TFDP2: variants seen among roughly 807,000 people sequenced by gnomAD.
TFDP2 encodes the protein transcription factor Dp-2 (E2F dimerization partner 2).
TFDP2 carries 17 observed loss-of-function variants against 59.3 expected under a neutral mutation model. The ratio of observed to expected loss-of-function variants is 0.29; its 90% CI spans 0.20 to 0.43. The LOEUF (loss-of-function observed/expected upper bound fraction) is 0.43. TFDP2 is among the 20% of genes least tolerant of loss of function. The probability of loss-of-function intolerance (pLI) is 1.00; values close to 1 mark genes in which losing one functional copy is unlikely to be tolerated. For missense variants in TFDP2, 391 were observed against 528.8 expected (o/e 0.74, Z 2.56); for synonymous variants, 180 against 194.7 (o/e 0.92, Z 0.63).
At chr3:141,958,648 T>C (rs1936988219) in intron 11 of TFDP2, among the ~76,000 whole-genome samples, 1 of 152,158 alleles carries the variant, frequency 6.6e-6, no homozygotes. Flanking sequence ...ACTGTGACCC[T>C]TCAGAGTCTA....
At chr3:142,054,138 C>G (rs1164040492) in intron 3 of TFDP2, 1 of 152,174 alleles carries the variant, frequency 6.6e-6, no homozygotes, top group East Asian at 1.9e-4. Context: ...AATTCCACTT[C>G]TAGGTATTTA....
At chr3:142,040,430 T>A (rs892094056) in intron 3 of TFDP2, among the ~76,000 whole-genome samples, 4 of 124,544 alleles carry the variant, frequency 3.2e-5, no homozygotes, top group Non-Finnish European at 3.7e-5. Flanking sequence ...TCTCTACAAA[T>A]TTTTTTTTTT....
At chr3:142,104,783 G>A (rs552900578) in intron 1 of TFDP2, among the ~76,000 whole-genome samples, 5 of 151,940 alleles carry the variant, frequency 3.3e-5, no homozygotes, top group South Asian at 2.1e-4. Flanking sequence ...ATTTAAATAC[G>A]TAAAAGAACA....
chr3:142,048,677 C>T (rs942916280), intron 3 of TFDP2, among the ~76,000 whole-genome samples: 1 of 152,102 alleles, frequency 6.6e-6, no homozygotes, highest in Admixed American at 6.5e-5. Flanking sequence ...GCAACCCTCC[C>T]ACCTCAGCCT....
At chr3:142,027,067 T>C in intron 3 of TFDP2, among the ~76,000 whole-genome samples, 1 of 65,434 alleles carries the variant, frequency 1.5e-5, no homozygotes, top group Non-Finnish European at 2.8e-5. Context: ...TGTCTAGTGA[T>C]AAACTTTTGC....
chr3:141,968,538 AAC>A (rs1217002324), intron 9 of TFDP2, among the ~76,000 whole-genome samples: 6 of 110,270 alleles, frequency 5.4e-5, no homozygotes, highest in African/African-American at 2.5e-4. Flanking sequence ...AGATATATAT[AAC>A]ATATATATAT....
In TFDP2 at chr3:142,022,954, T is replaced by C. The variant is rs565114401; in HGVS notation, c.83-17410A>G. Among the ~76,000 whole-genome samples, 9 of 151,572 alleles carry C rather than the reference T, an allele frequency of 5.9e-5. No homozygotes were observed. The South Asian group carries it at 1.5e-3, about 25-fold the overall frequency. On this transcript the variant is annotated intron_variant, in intron 3 of 12. Coordinates refer to ENST00000489671, the MANE Select transcript of TFDP2 (RefSeq NM_001178139.2). Reference sequence around the variant, plus strand: ...GGCCAACGTGGTGAAACCCCATCTCTAGTAAAAATACAAAAATTAGCCGGG... The same window carrying C: ...GGCCAACGTGGTGAAACCCCATCTCCAGTAAAAATACAAAAATTAGCCGGG...
intron 3 of TFDP2, among the ~76,000 whole-genome samples, chr3:142,070,188 T>C (rs1359148479): frequency 6.6e-6 from 1 of 152,238 alleles, no homozygotes; most frequent in African/African-American, 2.4e-5. Flanking sequence ...ATTATAGGCG[T>C]GAGCCACCGC....
intron 3 of TFDP2, among the ~76,000 whole-genome samples, chr3:142,051,924 G>A (rs949494068): frequency 1.3e-5 from 2 of 151,906 alleles, no homozygotes; most frequent in Non-Finnish European, 2.9e-5. Context: ...CCAAGAGTTC[G>A]AGACCAGCCT....
At chr3:141,954,379 G>A (rs888988468) in intron 11 of TFDP2, among the ~76,000 whole-genome samples, 12 of 152,116 alleles carry the variant, frequency 7.9e-5, no homozygotes, top group East Asian at 1.9e-4. Context: ...GGTGGCTCAT[G>A]CCTGTAATCC....
chr3:142,043,637 C>G (rs887176742), intron 3 of TFDP2: 25 of 891,502 alleles, frequency 2.8e-5, no homozygotes. Flanking sequence ...TTCTTGGTCT[C>G]TTCCTCCTTA....
chr3:142,133,309 T>TA (rs1342251416), intron 1 of TFDP2, among the ~76,000 whole-genome samples: 2 of 149,862 alleles, frequency 1.3e-5, no homozygotes, highest in Non-Finnish European at 2.9e-5. Flanking sequence ...CTTGATCTCC[T>TA]AGCCTCAAGC....
chr3:142,009,455 T>C (rs187135990), intron 3 of TFDP2, among the ~76,000 whole-genome samples: 5 of 152,292 alleles, frequency 3.3e-5, no homozygotes, highest in Admixed American at 3.3e-4. Flanking sequence ...CTCATGCCTG[T>C]AATCCCAGCA....
intron 6 of TFDP2, among the ~76,000 whole-genome samples, chr3:141,984,062 C>A (rs2042031720): frequency 7.4e-6 from 1 of 135,430 alleles, no homozygotes; most frequent in Non-Finnish European, 1.6e-5. Flanking sequence ...AGCAACCCAA[C>A]TGCCCACCAA....
In TFDP2 at chr3:142,101,787, T is replaced by TA. The variant is rs1225289879; in HGVS notation, c.-39dup. ...TCTATTTAAGATTCTGTAAAGCCAT[T>TA]AAAAAAATAAAAAGAAAAAAACCTT... On this transcript the variant is annotated 5_prime_UTR_variant, in exon 2 of 13. Coordinates refer to ENST00000489671, the MANE Select transcript of TFDP2 (RefSeq NM_001178139.2). The TA allele has an allele frequency of 4.6e-5, 57 of 1,236,740 alleles. No homozygotes were observed. Among genetic ancestry groups the TA allele is most frequent in the South Asian group, 6.3e-5 (3 of 47,920 alleles). 76.6% of individuals were successfully genotyped at this position (1,236,740 alleles called of 1,614,324 possible).
At chr3:142,034,671 T>C (rs1946601913) in intron 3 of TFDP2, among the ~76,000 whole-genome samples, 1 of 151,854 alleles carries the variant, frequency 6.6e-6, no homozygotes, top group South Asian at 2.1e-4. Context: ...CTTGCTGATC[T>C]TACAAATCCC....
intron 9 of TFDP2, among the ~76,000 whole-genome samples, chr3:141,968,600 A>G (rs181320604): frequency 2.8e-5 from 3 of 106,006 alleles, no homozygotes; most frequent in East Asian, 2.4e-4. Flanking sequence ...ATAGATATAT[A>G]TAACATATAT....
intron 3 of TFDP2, among the ~76,000 whole-genome samples, chr3:142,049,489 T>C (rs560773732): frequency 7.2e-5 from 11 of 152,282 alleles, no homozygotes; most frequent in African/African-American, 2.6e-4. Context: ...AAAGCAACTA[T>C]AGAAAACCCA....
intron 3 of TFDP2, among the ~76,000 whole-genome samples, chr3:142,030,884 A>G (rs1374226538): frequency 6.7e-6 from 1 of 149,984 alleles, no homozygotes; most frequent in Non-Finnish European, 1.5e-5. Context: ...CTGGGACTAC[A>G]GGCGCCCGCC....
Sources: gnomAD v4.1 joint callset for allele counts (sites outside exome capture counted in the v4.1 genomes callset) on GRCh38, gnomAD v4.1.1 for gene constraint, MANE v1.5 for transcripts, NCBI Gene and HGNC (gene_info 2026-07-23, HGNC 2026-07-21) for gene names.